ERBB4: variants seen among roughly 807,000 people sequenced by gnomAD.
ERBB4 encodes erb-b2 receptor tyrosine kinase 4.
In ERBB4, 42 loss-of-function variants were observed where a neutral mutation model predicts 158.0. That is an observed-to-expected ratio of 0.27 (90% CI 0.21 to 0.34). ERBB4 has a LOEUF of 0.34. Among genes scored for constraint, ERBB4 ranks in the 10% least tolerant of loss-of-function variants. ERBB4 has a pLI of 1.00. For missense variants in ERBB4, 1,333 were observed against 1,624.1 expected (o/e 0.82, Z 3.08); for synonymous variants, 583 against 558.7 (o/e 1.04, Z -0.61).
At chr2:211,399,210 G>A (rs1056522550) in intron 25 of ERBB4, among the ~76,000 whole-genome samples, 3 of 152,150 alleles carry the variant, frequency 2.0e-5, no homozygotes, top group African/African-American at 7.2e-5. Flanking sequence ...ACTGTATTCT[G>A]TTTATTTCAT....
At chr2:211,649,402 A>G (rs188413460) in intron 16 of ERBB4, among the ~76,000 whole-genome samples, 1 of 152,006 alleles carries the variant, frequency 6.6e-6, no homozygotes, top group East Asian at 1.9e-4. Context: ...AAGATTTTGG[A>G]AAAGACATCA....
intron 1 of ERBB4, among the ~76,000 whole-genome samples, chr2:212,142,312 T>G (rs564499615): frequency 1.3e-5 from 2 of 152,164 alleles, no homozygotes; most frequent in South Asian, 2.1e-4. Flanking sequence ...TTGGAAGTAC[T>G]TGACCCATAG....
chr2:211,454,215 T>G (rs1034535639), intron 20 of ERBB4, among the ~76,000 whole-genome samples: 1 of 152,174 alleles, frequency 6.6e-6, no homozygotes, highest in Non-Finnish European at 1.5e-5. Context: ...TGTATTAAAA[T>G]TATGTATTGA....
intron 2 of ERBB4, among the ~76,000 whole-genome samples, chr2:212,068,838 T>A (rs948671574): frequency 1.3e-4 from 20 of 152,204 alleles, no homozygotes; most frequent in Non-Finnish European, 2.6e-4. Flanking sequence ...TGTTGTAATT[T>A]TGTGTTTTGA....
intron 1 of ERBB4, among the ~76,000 whole-genome samples, chr2:212,362,077 G>T (rs529831476): frequency 1.3e-5 from 2 of 151,474 alleles, no homozygotes; most frequent in East Asian, 3.9e-4. Context: ...TTGTATAATT[G>T]AAACTTTCAA....
chr2:211,404,622 AT>A (rs142359856), intron 25 of ERBB4, among the ~76,000 whole-genome samples: 4,787 of 151,504 alleles, frequency 0.032, 237 homozygotes, highest in African/African-American at 0.11. Flanking sequence ...TTGTTAAAAC[AT>A]TTTTTTTTAA....
At chr2:211,831,922 G>A (rs1481106144) in intron 3 of ERBB4, among the ~76,000 whole-genome samples, 2 of 151,786 alleles carry the variant, frequency 1.3e-5, no homozygotes, top group Non-Finnish European at 2.9e-5. Flanking sequence ...AAATAGTAAT[G>A]TCTTCACTGT....
chr2:211,510,749 G>C (rs2065865986), intron 20 of ERBB4, among the ~76,000 whole-genome samples: 1 of 151,956 alleles, frequency 6.6e-6, no homozygotes, highest in African/African-American at 2.4e-5. Flanking sequence ...TTCAATGACT[G>C]TGCATTTTAT....
At chr2:212,502,223 G>T (rs1690934283) in intron 1 of ERBB4, among the ~76,000 whole-genome samples, 2 of 151,910 alleles carry the variant, frequency 1.3e-5, no homozygotes, top group African/African-American at 4.8e-5. Flanking sequence ...TTTAAAAACT[G>T]CTCTGGTGTT....
intron 20 of ERBB4, among the ~76,000 whole-genome samples, chr2:211,466,860 T>A (rs1470779975): frequency 1.3e-5 from 2 of 152,104 alleles, no homozygotes; most frequent in African/African-American, 2.4e-5. Context: ...TAAATGGTAA[T>A]ATATCAGTTT....
intron 3 of ERBB4, among the ~76,000 whole-genome samples, chr2:211,855,142 T>C (rs540117488): frequency 2.7e-4 from 41 of 152,300 alleles, no homozygotes; most frequent in African/African-American, 9.4e-4. Context: ...TCTTTGGATA[T>C]CTTCTGTTGG....
chr2:211,745,037 G>C (rs2074920620), intron 5 of ERBB4, among the ~76,000 whole-genome samples: 1 of 152,132 alleles, frequency 6.6e-6, no homozygotes, highest in Non-Finnish European at 1.5e-5. Flanking sequence ...GCAGAATATT[G>C]TCAAAAACTT....
chr2:211,560,696 C>A (rs1027101149), intron 20 of ERBB4, among the ~76,000 whole-genome samples: 1 of 152,110 alleles, frequency 6.6e-6, no homozygotes, highest in Non-Finnish European at 1.5e-5. Flanking sequence ...TGCTATATTT[C>A]AAACTTCATT....
intron 1 of ERBB4, among the ~76,000 whole-genome samples, chr2:212,323,317 A>T (rs1574680594): frequency 2.7e-5 from 4 of 150,722 alleles, no homozygotes; most frequent in Admixed American, 2.6e-4. Context: ...GTTGCTTTTG[A>T]TGAAAATTAT....
At chr2:211,881,668 T>C (rs2078667011) in intron 3 of ERBB4, among the ~76,000 whole-genome samples, 1 of 152,038 alleles carries the variant, frequency 6.6e-6, no homozygotes, top group Non-Finnish European at 1.5e-5. Context: ...TCGGACCCTA[T>C]GTAGATCAGA....
In ERBB4 at chr2:211,970,572, T is replaced by C. The variant is rs575810169; in HGVS notation, c.235-22956A>G. On this transcript the variant is annotated intron_variant, in intron 2 of 27. Coordinates refer to ENST00000342788, the MANE Select transcript of ERBB4 (RefSeq NM_005235.3). ...TCTAGGTGCTCCTGTGTGGGAAGTA[T>C]ATAGATTTACAATAGTTAGATCTTC... is the stretch of plus-strand genomic sequence containing the variant. Among the ~76,000 whole-genome samples, 5 of 152,316 alleles carry C rather than the reference T, an allele frequency of 3.3e-5. No individual in the cohort carries two copies. In the South Asian group the frequency reaches 1.0e-3, roughly 32 times the overall value.
chr2:211,499,547 A>G (rs745763706), intron 20 of ERBB4, among the ~76,000 whole-genome samples: 4 of 152,146 alleles, frequency 2.6e-5, no homozygotes, highest in Non-Finnish European at 4.4e-5. Flanking sequence ...AACAAAGCAA[A>G]CAAACAAACA....
At chr2:211,881,460 C>T (rs894734552) in intron 3 of ERBB4, among the ~76,000 whole-genome samples, 1 of 152,084 alleles carries the variant, frequency 6.6e-6, no homozygotes, top group African/African-American at 2.4e-5. Flanking sequence ...TAGAGAAGGA[C>T]TACCTGAGGG....
chr2:212,095,218 T>C, intron 2 of ERBB4, among the ~76,000 whole-genome samples: 1 of 152,244 alleles, frequency 6.6e-6, no homozygotes. Flanking sequence ...TTTGGCTTTG[T>C]ATTACTCAAT....
Sources: allele counts gnomAD v4.1 joint callset (sites outside exome capture counted in the v4.1 genomes callset), GRCh38; gene constraint gnomAD v4.1.1; transcripts MANE v1.5; gene names NCBI Gene and HGNC (gene_info 2026-07-23, HGNC 2026-07-21).